The following CCDC7 variants were observed in gnomAD, a reference collection of about 807,000 sequenced individuals.
The protein encoded by CCDC7 is coiled-coil domain containing 7.
In CCDC7, 183 loss-of-function variants were observed where a neutral mutation model predicts 196.9. That is an observed-to-expected ratio of 0.93 (90% CI 0.82 to 1.05). The LOEUF is 1.05. CCDC7 is among the 50% of genes least tolerant of loss of function. The pLI, the probability that CCDC7 is intolerant of heterozygous loss-of-function variation, is 0.00. For synonymous variants in CCDC7, 525 were observed against 484.6 expected, an observed-to-expected ratio of 1.08 and a Z score of -1.10; for missense variants, 1,540 against 1,482.2, an observed-to-expected ratio of 1.04 and a Z score of -0.64.
chr10:32,543,746 C>T (rs1314356226), intron 12 of CCDC7, among the ~76,000 whole-genome samples: 1 of 151,918 alleles, frequency 6.6e-6, no homozygotes, highest in Non-Finnish European at 1.5e-5. Context: ...TTCTACTGTA[C>T]TTATTAATTG....
chr10:32,655,449 G>A lies in CCDC7; in HGVS notation c.2015-8605G>A, dbSNP rs543916914. 3.9e-5 allele frequency among the ~76,000 whole-genome samples: 6 copies of A among 152,106 alleles called. No individual in the cohort carries two copies. The South Asian group carries it at 1.2e-3, about 32-fold the overall frequency. On this transcript the variant is annotated intron_variant, in intron 20 of 41. Transcript: ENST00000639629. ...AGGTGTGAGGTGATATCTCATTGTG[G>A]CTTTAATTTGCATTTCCCTGATGAT...
upstream of CCDC7, among the ~76,000 whole-genome samples, chr10:32,447,510 C>T (rs1251717828): frequency 6.6e-6 from 1 of 152,078 alleles, no homozygotes; most frequent in African/African-American, 2.4e-5. Context: ...TCTTTTGAGG[C>T]TTTTCAATTT....
At chr10:32,644,938 A>G (rs2067488767) in intron 20 of CCDC7, among the ~76,000 whole-genome samples, 1 of 152,236 alleles carries the variant, frequency 6.6e-6, no homozygotes, top group Non-Finnish European at 1.5e-5. Context: ...CCATGAGCCA[A>G]TTAAACCTCT....
At chr10:32,480,609 C>G (rs2039792725) in intron 8 of CCDC7, among the ~76,000 whole-genome samples, 1 of 146,144 alleles carries the variant, frequency 6.8e-6, no homozygotes, top group Non-Finnish European at 1.5e-5. Context: ...TTTTGATTTT[C>G]TTTTTGACCC....
chr10:32,719,750 G>A (rs2082128244), intron 25 of CCDC7, among the ~76,000 whole-genome samples: 1 of 152,088 alleles, frequency 6.6e-6, no homozygotes, highest in Non-Finnish European at 1.5e-5. Flanking sequence ...CATTTATGCA[G>A]CCAACAAACA....
intron 28 of CCDC7, among the ~76,000 whole-genome samples, chr10:32,757,166 C>T (rs1027947083): frequency 2.0e-5 from 3 of 152,140 alleles, no homozygotes; most frequent in Non-Finnish European, 4.4e-5. Flanking sequence ...GACTTTAACA[C>T]CCCACTGTCA....
Position 32,616,966 on chromosome 10 carries a change from G to A in CCDC7, c.1802-17288G>A, listed in dbSNP as rs534058194. 2.9e-4 allele frequency among the ~76,000 whole-genome samples: 39 copies of A among 134,602 alleles called. 1 individual carries two copies. In the Middle Eastern group the frequency reaches 0.012, roughly 40 times the overall value. 88.3% of individuals were successfully genotyped at this position (134,602 alleles called of 152,430 possible). ...TGTGATGTATTTCATTTATTGATTT[G>A]ATACTTATTATTGGTCTGTTTGAGA... On this transcript the variant is annotated intron_variant, in intron 18 of 41. Transcript: ENST00000639629.
rs185487873 is a variant in CCDC7 at position 32,500,379 on chromosome 10, G to A, written c.872+8382G>A. Among the ~76,000 whole-genome samples the A allele has an allele frequency of 6.4e-3, 958 of 150,078 alleles. 13 individuals carry two copies. Among genetic ancestry groups the A allele is most frequent in the Admixed American group, 0.028 (423 of 15,106 alleles). ...CTCACCTCCCAGATGGGGTGGTGGC[G>A]GGGCAGAGACACTCCTCAGATCCCA... On this transcript the variant is annotated intron_variant, in intron 9 of 41. Coordinates refer to ENST00000639629, the Ensembl canonical transcript of CCDC7.
At chr10:32,554,487 C>G (rs934537073) in intron 13 of CCDC7, among the ~76,000 whole-genome samples, 3 of 152,228 alleles carry the variant, frequency 2.0e-5, no homozygotes, top group Non-Finnish European at 4.4e-5. Flanking sequence ...GCTCCCAGGG[C>G]TTTTCTGCTG....
chr10:32,741,718 C>T (rs2085883882), intron 28 of CCDC7, among the ~76,000 whole-genome samples: 1 of 151,964 alleles, frequency 6.6e-6, no homozygotes, highest in African/African-American at 2.4e-5. Context: ...TTAAATCTTC[C>T]ATTTCTCTTA....
chr10:32,688,995 A>G (rs1358006718), intron 22 of CCDC7, 58 bp from the exon 24 acceptor site: 16 of 1,109,960 alleles, frequency 1.4e-5, no homozygotes, highest in African/African-American at 6.3e-5. Context: ...TTTGAAATCT[A>G]CAGATTTCAA....
intron 32 of CCDC7, among the ~76,000 whole-genome samples, chr10:32,827,445 G>T (rs955379059): frequency 2.6e-5 from 4 of 152,184 alleles, no homozygotes; most frequent in African/African-American, 9.7e-5. Context: ...TGCCTATCTT[G>T]CATGCAATGC....
chr10:32,826,135 C>T (rs2091072658), intron 32 of CCDC7, among the ~76,000 whole-genome samples: 1 of 152,152 alleles, frequency 6.6e-6, no homozygotes, highest in South Asian at 2.1e-4. Flanking sequence ...CCTCAGGAAC[C>T]ACCTCCAACA....
At chr10:32,633,477 G>T (rs1564893810) in intron 18 of CCDC7, among the ~76,000 whole-genome samples, 2 of 151,962 alleles carry the variant, frequency 1.3e-5, no homozygotes, top group Non-Finnish European at 2.9e-5. Flanking sequence ...TTTTAGAATT[G>T]CTTAGCTCAT....
intron 18 of CCDC7, among the ~76,000 whole-genome samples, chr10:32,626,945 T>G (rs2064130420): frequency 6.6e-6 from 1 of 152,018 alleles, no homozygotes; most frequent in Non-Finnish European, 1.5e-5. Context: ...GCTGTTTTAA[T>G]TACTATAGTT....
chr10:32,459,933 A>G (rs1278487051), intron 3 of CCDC7, among the ~76,000 whole-genome samples: 1 of 152,044 alleles, frequency 6.6e-6, no homozygotes, highest in Non-Finnish European at 1.5e-5. Flanking sequence ...TGACCCTTTT[A>G]TATATGGAAA....
chr10:32,491,742 A>T (rs987427304), intron 8 of CCDC7, among the ~76,000 whole-genome samples, 180 bp from the exon 10 acceptor site: 1 of 152,174 alleles, frequency 6.6e-6, no homozygotes, highest in Non-Finnish European at 1.5e-5. Flanking sequence ...TGCACATAAT[A>T]GGTGTTTAAT....
At chr10:32,537,016 C>T (rs1304744275) in intron 11 of CCDC7, among the ~76,000 whole-genome samples, 1 of 152,096 alleles carries the variant, frequency 6.6e-6, no homozygotes. Context: ...GGTATATACC[C>T]AACAATGAGA....
intron 18 of CCDC7, among the ~76,000 whole-genome samples, chr10:32,590,762 G>C (rs778542656): frequency 6.6e-5 from 10 of 152,044 alleles, no homozygotes; most frequent in Non-Finnish European, 1.3e-4. Context: ...TAATATTCTA[G>C]GGTAAAAGTC....
Sources: gnomAD v4.1 joint callset for allele counts (sites outside exome capture counted in the v4.1 genomes callset) on GRCh38, gnomAD v4.1.1 for gene constraint, MANE v1.5 for transcripts, NCBI Gene and HGNC (gene_info 2026-07-23, HGNC 2026-07-21) for gene names.